Variants in AAK1 observed in about 807,000 individuals in gnomAD.
The protein encoded by AAK1 is AP2-associated protein kinase 1.
In AAK1, 37 loss-of-function variants were observed where a neutral mutation model predicts 116.0. The observed-to-expected ratio is 0.32, with a 90% CI of 0.25 to 0.42. The LOEUF is 0.42. Ranked by LOEUF, AAK1 falls within the 10% of genes least tolerant of loss-of-function variation. AAK1 has a pLI of 1.00. For missense variants in AAK1, 919 were observed against 1,170.6 expected, an observed-to-expected ratio of 0.79 and a Z score of 3.14; for synonymous variants, 458 against 439.9, an observed-to-expected ratio of 1.04 and a Z score of -0.51.
intron 2 of AAK1, among the ~76,000 whole-genome samples, chr2:69,587,797 A>ACTAT (rs1672854993): frequency 6.6e-6 from 1 of 151,870 alleles, no homozygotes; most frequent in East Asian, 1.9e-4. Flanking sequence ...TTTTTTGTAG[A>ACTAT]GACAGAGTTT....
At chr2:69,602,268 G>A (rs1400363676) in intron 2 of AAK1, among the ~76,000 whole-genome samples, 2 of 152,072 alleles carry the variant, frequency 1.3e-5, no homozygotes, top group Non-Finnish European at 2.9e-5. Flanking sequence ...TTGCTACAAC[G>A]GGCACGACTG....
At chr2:69,581,224 C>T (rs1672528739) in intron 2 of AAK1, among the ~76,000 whole-genome samples, 1 of 152,148 alleles carries the variant, frequency 6.6e-6, no homozygotes, top group Admixed American at 6.6e-5. Flanking sequence ...AGCAATTCTC[C>T]TGCCTCAGCC....
intron 2 of AAK1, among the ~76,000 whole-genome samples, chr2:69,591,149 C>T (rs187176734): frequency 6.6e-6 from 1 of 152,276 alleles, no homozygotes; most frequent in Admixed American, 6.5e-5. Flanking sequence ...TATCATCAGT[C>T]ACTCTCTATG....
intron 11 of AAK1, chr2:69,520,042 T>G: frequency 4.6e-6 from 1 of 219,356 alleles, no homozygotes; most frequent in Non-Finnish European, 9.8e-6. Flanking sequence ...CAAGCAGGCA[T>G]TTTTGTAGGC....
In AAK1 at chr2:69,464,863, G is replaced by A. The variant is rs1674438105; in HGVS notation, c.*11006C>T. On this transcript the variant is annotated 3_prime_UTR_variant, in exon 22 of 22. Transcript: ENST00000409085. ...AGAATCAGATCTGGAGACTCCTAGAGCTGCTGCTTCTACAGGAATTATTAG... is the reference window on the plus strand; with the variant it reads ...AGAATCAGATCTGGAGACTCCTAGAACTGCTGCTTCTACAGGAATTATTAG... 6.5e-6 allele frequency: 1 copy of A among 154,620 alleles called. No individual in the cohort carries two copies. The allele number at this position is 154,620 out of a possible 1,614,324, so 9.6% of individuals were successfully genotyped here.
intron 2 of AAK1, chr2:69,597,969 A>G: frequency 3.4e-6 from 1 of 295,818 alleles, no homozygotes; most frequent in Non-Finnish European, 6.2e-6. Context: ...ACTTGAGATG[A>G]AAAAAAAGTG....
rs1307554214 is a variant in AAK1, at chr2:69,471,206, C to T, written c.*4663G>A. The T allele has an allele frequency of 1.4e-5, 14 of 985,272 alleles. No individual in the cohort carries two copies. Among genetic ancestry groups the T allele is most frequent in the South Asian group, 4.7e-5 (1 of 21,288 alleles). The allele number at this position is 985,272 out of a possible 1,614,324, so 61.0% of individuals were successfully genotyped here. ...ACTACATCAAAGTGTGAACCAAGAA[C>T]GTGTCTTTAATTCTAGCAACTACCA... On this transcript the variant is annotated 3_prime_UTR_variant, in exon 22 of 22. Transcript: ENST00000409085.
intron 2 of AAK1, among the ~76,000 whole-genome samples, chr2:69,636,687 A>C (rs1393124464): frequency 6.6e-6 from 1 of 151,562 alleles, no homozygotes; most frequent in Non-Finnish European, 1.5e-5. Flanking sequence ...TATTTTAGAT[A>C]ATTTATTTTT....
Position 69,542,513 on chromosome 2 carries a change from T to C in AAK1, c.534+10A>G, listed in dbSNP as rs1396390531. ...GTAGAATGCCCGTAATGAAAGAGTG[T>C]GGTCTGTACCTTCAGGTCCCGGTGG... On this transcript the variant is annotated intron_variant, in intron 5 of 21. Transcript: ENST00000409085. 1.2e-6 allele frequency: 2 copies of C among 1,613,496 alleles called. No homozygotes were observed.
Position 69,514,489 on chromosome 2 carries a change from G to A in AAK1, c.1758C>T (p.Ala586=). 6.5e-7 allele frequency: 1 copy of A among 1,548,250 alleles called. No individual in the cohort carries two copies. The highest frequency in any genetic ancestry group is 8.7e-7 in the Non-Finnish European group (1 of 1,145,174). ...QPQPAAAPQP[A]PAQEPAIQAP... ...TTCTTACCGCTGGCTCCTGGGCAGG[G>A]GCTGGCTGTGGGGCTGCAGCTGGCT... Residue 586 remains alanine (A), a synonymous_variant, in exon 13 of 22, where the codon GCC becomes GCT. Transcript: ENST00000409085.
chr2:69,565,799 G>T (rs1199749079), intron 2 of AAK1, among the ~76,000 whole-genome samples: 27 of 152,074 alleles, frequency 1.8e-4, no homozygotes, highest in Non-Finnish European at 3.8e-4. Context: ...AGGTGGGAGA[G>T]TGTCCTCTCC....
At position 69,465,777 on chromosome 2, in the gene AAK1, G is replaced by C. The variant is rs1483704098; in HGVS notation, c.*10092C>G. 3 of 1,290,736 alleles carry C rather than the reference G, an allele frequency of 2.3e-6. No homozygotes were observed. The highest frequency in any genetic ancestry group is 3.0e-6 in the Non-Finnish European group (3 of 988,882). 80.0% of individuals were successfully genotyped at this position (1,290,736 alleles called of 1,614,324 possible). A position where few individuals can be genotyped will look rare whatever the true frequency, so the allele number is the denominator to read the frequency against. On this transcript the variant is annotated 3_prime_UTR_variant, in exon 22 of 22. Coordinates refer to ENST00000409085, the MANE Select transcript of AAK1 (RefSeq NM_014911.5). ...GGGAGAGATGCTGTCCAGATGGTCT[G>C]CTGCTTGTACAGAATGGGACAGGAG...
chr2:69,619,742 C>A (rs1447344414), intron 2 of AAK1, among the ~76,000 whole-genome samples: 1 of 152,054 alleles, frequency 6.6e-6, no homozygotes, highest in Non-Finnish European at 1.5e-5. Context: ...TTGGGGCTAC[C>A]TAGAGGACAC....
chr2:69,466,196 T>C lies in AAK1; in HGVS notation c.*9673A>G, dbSNP rs1343379241. On this transcript the variant is annotated 3_prime_UTR_variant, in exon 22 of 22. Transcript: ENST00000409085. ...ACTGGTTCTTTCTTCCACCTTGCAC[T>C]GTCTTTGCTTGCTCAGGAGAGACTT... is the stretch of plus-strand genomic sequence containing the variant. The C allele has an allele frequency of 4.7e-6, 6 of 1,289,862 alleles. No homozygotes were observed. Among genetic ancestry groups the C allele is most frequent in the Admixed American group, 4.6e-5 (2 of 43,570 alleles). The allele number at this position is 1,289,862 out of a possible 1,614,324, so 79.9% of individuals were successfully genotyped here.
At chr2:69,618,809 A>G (rs1674455425) in intron 2 of AAK1, among the ~76,000 whole-genome samples, 1 of 151,944 alleles carries the variant, frequency 6.6e-6, no homozygotes, top group South Asian at 2.1e-4. Flanking sequence ...TGACCTACAC[A>G]TCCATGGCCA....
chr2:69,544,360 G>A (rs767478963), intron 4 of AAK1, 76 bp downstream of exon 4: 56 of 1,192,878 alleles, frequency 4.7e-5, no homozygotes, highest in Admixed American at 1.3e-4. Flanking sequence ...TGCACATTAA[G>A]TGAAATGACC....
chr2:69,576,533 T>C (rs1262299868), intron 2 of AAK1, among the ~76,000 whole-genome samples: 1 of 152,146 alleles, frequency 6.6e-6, no homozygotes, highest in Non-Finnish European at 1.5e-5. Context: ...GTCTGCTGTT[T>C]CCTTCTTTGT....
chr2:69,465,859 C>T lies in AAK1; in HGVS notation c.*10010G>A. On this transcript the variant is annotated 3_prime_UTR_variant, in exon 22 of 22. Coordinates refer to ENST00000409085, the MANE Select transcript of AAK1 (RefSeq NM_014911.5). ...TACTGAGCTTGGACAGAGGTGTACA[C>T]AGCTCTCTCACGGCCCGCGGGCAGG... The T allele has an allele frequency of 7.7e-7, 1 of 1,290,898 alleles. No individual in the cohort carries two copies. Among genetic ancestry groups the T allele is most frequent in the Non-Finnish European group, 1.0e-6 (1 of 988,878 alleles). 80.0% of individuals were successfully genotyped at this position (1,290,898 alleles called of 1,614,324 possible).
At position 69,462,706 on chromosome 2, in the gene AAK1, G is replaced by A. The variant is rs949287286; in HGVS notation, c.*13163C>T. On this transcript the variant is annotated 3_prime_UTR_variant, in exon 22 of 22. Transcript: ENST00000409085. Reference sequence around the variant, plus strand: ...AAAAAAAAAAAATTTCTGAGTTGGGGTGAGAAATCTCCCTGAGTATTTCTA... The same window carrying A: ...AAAAAAAAAAAATTTCTGAGTTGGGATGAGAAATCTCCCTGAGTATTTCTA... 3 of 151,884 alleles carry A rather than the reference G, an allele frequency of 2.0e-5. No individual in the cohort carries two copies. The highest frequency in any genetic ancestry group is 4.4e-5 in the Non-Finnish European group (3 of 67,978). 9.4% of individuals were successfully genotyped at this position (151,884 alleles called of 1,614,324 possible).
Sources: allele counts gnomAD v4.1 joint callset (sites outside exome capture counted in the v4.1 genomes callset), GRCh38; gene constraint gnomAD v4.1.1; transcripts MANE v1.5; gene names NCBI Gene and HGNC (gene_info 2026-07-23, HGNC 2026-07-21).